SPAG16: variants seen among roughly 807,000 people sequenced by gnomAD.
SPAG16 encodes sperm associated antigen 16.
SPAG16 carries 86 observed loss-of-function variants against 80.4 expected under a neutral mutation model. The ratio of observed to expected loss-of-function variants is 1.07; its 90% CI spans 0.90 to 1.28. SPAG16 has a LOEUF of 1.28. Among genes scored for constraint, SPAG16 ranks in the 50% most tolerant of loss-of-function variants. SPAG16 has a pLI of 0.00. For synonymous variants in SPAG16, 294 were observed against 265.9 expected (o/e 1.11, Z -1.03); for missense variants, 870 against 765.3 (o/e 1.14, Z -1.61).
intron 10 of SPAG16, among the ~76,000 whole-genome samples, chr2:213,759,806 G>A (rs1186026894): frequency 6.6e-6 from 1 of 152,194 alleles, no homozygotes; most frequent in Non-Finnish European, 1.5e-5. Context: ...GGAGGCCGAG[G>A]TGGGTGGATC....
At chr2:213,739,071 A>T (rs1425440913) in intron 10 of SPAG16, among the ~76,000 whole-genome samples, 1 of 152,246 alleles carries the variant, frequency 6.6e-6, no homozygotes, top group Non-Finnish European at 1.5e-5. Context: ...TGCTCATGAC[A>T]GAAAAGTCAG....
chr2:214,369,826 T>G (rs1346767063), intron 15 of SPAG16, among the ~76,000 whole-genome samples: 1 of 152,152 alleles, frequency 6.6e-6, no homozygotes. Flanking sequence ...ATTTTGCCTC[T>G]GCTAAGATGA....
At chr2:214,254,720 T>C (rs1415040818) in intron 15 of SPAG16, among the ~76,000 whole-genome samples, 1 of 152,194 alleles carries the variant, frequency 6.6e-6, no homozygotes, top group Non-Finnish European at 1.5e-5. Flanking sequence ...TAGGTGTTAC[T>C]ATTTTAAACA....
chr2:213,556,297 CA>C lies in SPAG16; in HGVS notation c.1070+66220del, dbSNP rs35316956. Among the ~76,000 whole-genome samples the C allele has an allele frequency of 1.6e-3, 127 of 79,724 alleles. 1 individual carries two copies. The highest frequency in any genetic ancestry group is 7.2e-3 in the Middle Eastern group (1 of 138). 52.3% of individuals were successfully genotyped at this position (79,724 alleles called of 152,430 possible). On this transcript the variant is annotated intron_variant, in intron 10 of 15. Coordinates refer to ENST00000331683, the MANE Select transcript of SPAG16 (RefSeq NM_024532.5). ...AAAGATGTAAGGGGGCTGAATGGGT[CA>C]AAAAAAAAAAAACCAAAAAAAAAAA...
intron 15 of SPAG16, among the ~76,000 whole-genome samples, chr2:214,333,607 A>G (rs1697081155): frequency 1.3e-5 from 2 of 152,228 alleles, no homozygotes; most frequent in South Asian, 4.1e-4. Context: ...CAACACTTTG[A>G]TGAATGGAAT....
chr2:213,740,361 G>C (rs1384699586), intron 10 of SPAG16, among the ~76,000 whole-genome samples: 1 of 152,186 alleles, frequency 6.6e-6, no homozygotes, highest in Non-Finnish European at 1.5e-5. Context: ...AAGAAAGGTT[G>C]ATGTCTTATG....
At chr2:214,377,166 G>A (rs778148504) in intron 15 of SPAG16, among the ~76,000 whole-genome samples, 16 of 152,066 alleles carry the variant, frequency 1.1e-4, no homozygotes, top group Non-Finnish European at 2.1e-4. Flanking sequence ...CCATCTCCCC[G>A]TGAGCAGTTC....
At chr2:214,227,517 C>T (rs2058723164) in intron 15 of SPAG16, among the ~76,000 whole-genome samples, 1 of 151,866 alleles carries the variant, frequency 6.6e-6, no homozygotes, top group Non-Finnish European at 1.5e-5. Context: ...CCCAAAGACC[C>T]GTATTCTGTA....
At chr2:214,112,803 G>A (rs1005963999) in intron 14 of SPAG16, among the ~76,000 whole-genome samples, 10 of 151,686 alleles carry the variant, frequency 6.6e-5, no homozygotes, top group Non-Finnish European at 1.5e-4. Flanking sequence ...TTTTAATTGG[G>A]GCATATGGCC....
intron 12 of SPAG16, among the ~76,000 whole-genome samples, chr2:213,956,338 G>A (rs1288470059): frequency 2.0e-5 from 3 of 151,474 alleles, no homozygotes; most frequent in Admixed American, 2.0e-4. Context: ...CCTTCTGTTA[G>A]ATTTAGGCTT....
intron 9 of SPAG16, among the ~76,000 whole-genome samples, chr2:213,446,953 T>G (rs1479038296): frequency 6.6e-6 from 1 of 152,136 alleles, no homozygotes; most frequent in Non-Finnish European, 1.5e-5. Flanking sequence ...CCTTTCTCCT[T>G]TAAGACAAAT....
intron 10 of SPAG16, among the ~76,000 whole-genome samples, chr2:213,765,120 C>A (rs749437944): frequency 6.6e-6 from 1 of 152,234 alleles, no homozygotes; most frequent in Non-Finnish European, 1.5e-5. Flanking sequence ...GTAATCCCAG[C>A]ACTTTGGGAA....
intron 7 of SPAG16, among the ~76,000 whole-genome samples, chr2:213,359,069 C>T (rs150466991): frequency 0.013 from 2,002 of 152,254 alleles, 22 homozygotes; most frequent in South Asian, 0.038. Context: ...CTGTTTGCCT[C>T]GCTATCACCA....
At chr2:213,439,291 G>A (rs115804801) in intron 9 of SPAG16, among the ~76,000 whole-genome samples, 3,535 of 152,304 alleles carry the variant, frequency 0.023, 57 homozygotes, top group South Asian at 0.038. Context: ...AAGGGGAGCG[G>A]CTTTGGAACC....
At chr2:214,208,235 C>T (rs555440411) in intron 15 of SPAG16, among the ~76,000 whole-genome samples, 1 of 152,028 alleles carries the variant, frequency 6.6e-6, no homozygotes, top group South Asian at 2.1e-4. Context: ...TTTAGGTTTC[C>T]AGAATTAAAA....
intron 10 of SPAG16, among the ~76,000 whole-genome samples, chr2:213,699,330 C>A (rs2065303100): frequency 1.3e-5 from 2 of 152,176 alleles, no homozygotes; most frequent in Non-Finnish European, 2.9e-5. Context: ...CAGACTTCTT[C>A]ATTGCCAGGA....
At chr2:214,072,564 G>A (rs1041678521) in intron 13 of SPAG16, among the ~76,000 whole-genome samples, 2 of 152,006 alleles carry the variant, frequency 1.3e-5, no homozygotes, top group African/African-American at 4.8e-5. Context: ...ATCTGTTTAG[G>A]GAAATCTGCT....
In SPAG16 at chr2:213,535,424, C is replaced by T. The variant is rs75825863; in HGVS notation, c.1070+45334C>T. On this transcript the variant is annotated intron_variant, in intron 10 of 15. Coordinates refer to ENST00000331683, the MANE Select transcript of SPAG16 (RefSeq NM_024532.5). The stretch of plus-strand genomic sequence containing the variant: ...AAGACACAAATTCAACTTCTAGAGA[C>T]GGAAATCATGTCTGAGTTGAATAAT... Among the ~76,000 whole-genome samples the T allele has an allele frequency of 1.9e-3, 293 of 152,212 alleles. 2 individuals carry two copies. The highest frequency in any genetic ancestry group is 0.017 in the Middle Eastern group (5 of 294).
At chr2:213,634,486 G>A (rs1323390170) in intron 10 of SPAG16, among the ~76,000 whole-genome samples, 1 of 152,116 alleles carries the variant, frequency 6.6e-6, no homozygotes, top group Non-Finnish European at 1.5e-5. Flanking sequence ...AATACTGTGT[G>A]TTTTCCTGTG....
Sources: allele counts gnomAD v4.1 joint callset (sites outside exome capture counted in the v4.1 genomes callset), GRCh38; gene constraint gnomAD v4.1.1; transcripts MANE v1.5; gene names NCBI Gene and HGNC (gene_info 2026-07-23, HGNC 2026-07-21).